The following TNRC18 variants were observed in gnomAD, a reference collection of about 807,000 sequenced individuals.
TNRC18 encodes the protein trinucleotide repeat-containing gene 18 protein.
TNRC18 carries 69 observed loss-of-function variants against 226.7 expected under a neutral mutation model. That is an observed-to-expected ratio of 0.30 (90% CI 0.25 to 0.37). The LOEUF (loss-of-function observed/expected upper bound fraction) is 0.37, where lower values mean the gene tolerates loss of function less well. TNRC18 is among the 10% of genes least tolerant of loss of function. The pLI is 1.00. For synonymous variants in TNRC18, 2,449 were observed against 1,927.6 expected, an observed-to-expected ratio of 1.27 and a Z score of -7.09; for missense variants, 4,754 against 4,256.6, an observed-to-expected ratio of 1.12 and a Z score of -3.25.
Position 5,351,830 on chromosome 7 carries a change from G to A in TNRC18, c.5459C>T (p.Ser1820Leu), listed in dbSNP as rs1403934106. Residue 1820 changes from serine (S) to leucine (L), a missense_variant, in exon 17 of 30, where the codon TCG (serine) becomes TTG (leucine). Physicochemically the swap from Ser to Leu is moderately radical, Grantham distance 145. Coordinates refer to ENST00000430969, the MANE Select transcript of TNRC18 (RefSeq NM_001080495.3). Reference sequence around the variant, plus strand: ...TTGGAGCTAGTAACCTTGGTCAAACGATTCCTCCGAAGAGTCGCTGAAGGA... The same window carrying A: ...TTGGAGCTAGTAACCTTGGTCAAACAATTCCTCCGAAGAGTCGCTGAAGGA... ...RSSFSDSSEE[S>L]FDQDESSEEE... The A allele has an allele frequency of 3.8e-6, 6 of 1,586,398 alleles. No homozygotes were observed. Among genetic ancestry groups the A allele is most frequent in the Middle Eastern group, 1.7e-4 (1 of 5,936 alleles).
Position 5,389,395 on chromosome 7 carries a change from T to G in TNRC18, c.488-59A>C. On this transcript the variant is annotated intron_variant, in intron 4 of 29. Transcript: ENST00000430969. ...CGCCACCTCCCCTCCCACCCCTGCC[T>G]GGGCGGAGGCGGACCCCTGAGAGGG... 2.5e-6 allele frequency: 3 copies of G among 1,211,942 alleles called. No individual in the cohort carries two copies. The South Asian group carries it at 1.1e-4, about 46-fold the overall frequency. The allele number at this position is 1,211,942 out of a possible 1,614,324, so 75.1% of individuals were successfully genotyped here. A position where few individuals can be genotyped will look rare whatever the true frequency, so the allele number is the denominator to read the frequency against.
intron 17 of TNRC18, 83 bp downstream of exon 17, chr7:5,351,736 G>A (rs1041046307): frequency 1.6e-5 from 23 of 1,431,300 alleles, no homozygotes; most frequent in Middle Eastern, 1.9e-4. Context: ...TCTCCCGTGC[G>A]CCCACTCGCT....
intron 11 of TNRC18, among the ~76,000 whole-genome samples, chr7:5,369,568 A>AGAGGGAAG (rs199587150): frequency 3.1e-4 from 47 of 152,242 alleles, no homozygotes; most frequent in African/African-American, 9.6e-4. Context: ...TCGAACAGCA[A>AGAGGGAAG]GAGGGAAGGA....
At position 5,423,753 on chromosome 7, in the gene TNRC18, G is replaced by A. The variant is rs916275688; in HGVS notation, c.-556C>T. On this transcript the variant is annotated 5_prime_UTR_variant, in exon 1 of 30. Transcript: ENST00000430969. ...AAAATCCAGGTAGCGCCGGTTTAAA[G>A]AATCCCAAATCTCCATATACAGCCC... 6.7e-6 allele frequency among the ~76,000 whole-genome samples: 1 copy of A among 149,440 alleles called. No individual in the cohort carries two copies. The highest frequency in any genetic ancestry group is 1.5e-5 in the Non-Finnish European group (1 of 67,614).
chr7:5,315,760 C>A (rs2128107698), intron 25 of TNRC18, among the ~76,000 whole-genome samples, 196 bp downstream of exon 25: 1 of 152,362 alleles, frequency 6.6e-6, no homozygotes, highest in Middle Eastern at 3.4e-3. Context: ...GCCTGGGCCA[C>A]TGGGCTTGTG....
chr7:5,387,359 A>T lies in TNRC18; in HGVS notation c.2152+313T>A, dbSNP rs994750428. ...TCGATGACTTCAAATTGAAGGTTTG[A>T]TATTTGTCTATTCCCAAGACCATCT... On this transcript the variant is annotated intron_variant, in intron 5 of 29. Coordinates refer to ENST00000430969, the MANE Select transcript of TNRC18 (RefSeq NM_001080495.3). Among the ~76,000 whole-genome samples the T allele has an allele frequency of 2.0e-5, 3 of 152,202 alleles. No individual in the cohort carries two copies. The East Asian group carries it at 5.8e-4, about 29-fold the overall frequency.
In TNRC18 at chr7:5,421,313, G is replaced by T; in HGVS notation, c.-67C>A. On this transcript the variant is annotated 5_prime_UTR_variant, in exon 2 of 30. Coordinates refer to ENST00000430969, the MANE Select transcript of TNRC18 (RefSeq NM_001080495.3). ...AGGCCTAGCTCAGTGGGACCTAAAA[G>T]TTCGGCCTCGGCGTAGTCCCAGAGT... 2.5e-6 allele frequency: 3 copies of T among 1,221,256 alleles called. No individual in the cohort carries two copies. Among genetic ancestry groups the T allele is most frequent in the Non-Finnish European group, 3.1e-6 (3 of 976,564 alleles). 75.7% of individuals were successfully genotyped at this position (1,221,256 alleles called of 1,614,324 possible).
At chr7:5,383,071 A>AT (rs919785403) in intron 5 of TNRC18, among the ~76,000 whole-genome samples, 4 of 141,396 alleles carry the variant, frequency 2.8e-5, no homozygotes, top group African/African-American at 1.2e-4. Context: ...ATTTATTTTT[A>AT]TTTTTATTTT....
intron 19 of TNRC18, among the ~76,000 whole-genome samples, chr7:5,327,576 G>C (rs1789064163): frequency 6.6e-6 from 1 of 151,954 alleles, no homozygotes; most frequent in Admixed American, 6.6e-5. Context: ...TGTCCCTGCA[G>C]CTGTACCCAC....
At chr7:5,327,558 C>T (rs1001651490) in intron 19 of TNRC18, among the ~76,000 whole-genome samples, 2 of 151,996 alleles carry the variant, frequency 1.3e-5, no homozygotes, top group Non-Finnish European at 2.9e-5. Context: ...GCTGCAGCTC[C>T]TGGTACATGT....
rs11292393 is a variant in TNRC18, at chr7:5,313,969, GT to G, written c.7028-107del. ...TTCTGTGAGTTTTGTTTTTGTTTTT[GT>G]TTTTTTTTTGAGATGGGGTCTCAGT... is the stretch of plus-strand genomic sequence containing the variant. On this transcript the variant is annotated intron_variant, in intron 26 of 29. Transcript: ENST00000430969. The G allele has an allele frequency of 0.22, 245,470 of 1,130,288 alleles. 24,069 individuals are homozygous for G. Among genetic ancestry groups the G allele is most frequent in the Admixed American group, 0.4 (10,567 of 26,732 alleles). 70.0% of individuals were successfully genotyped at this position (1,130,288 alleles called of 1,614,324 possible).
chr7:5,347,877 C>T (rs983997967), intron 17 of TNRC18, among the ~76,000 whole-genome samples: 10 of 152,106 alleles, frequency 6.6e-5, no homozygotes, highest in East Asian at 1.9e-4. Context: ...ATCACTTGAA[C>T]CCCGGAGGCG....
At chr7:5,379,223 A>C (rs1288447381) in intron 5 of TNRC18, among the ~76,000 whole-genome samples, 4 of 151,684 alleles carry the variant, frequency 2.6e-5, no homozygotes, top group Non-Finnish European at 4.4e-5. Context: ...AAAAACAAAA[A>C]ACACACACAC....
At chr7:5,352,869 T>A (rs570318986) in intron 16 of TNRC18, among the ~76,000 whole-genome samples, 8 of 152,330 alleles carry the variant, frequency 5.3e-5, no homozygotes, top group African/African-American at 1.7e-4. Context: ...AGACAGGGGT[T>A]CCAGAGACAG....
intron 17 of TNRC18, among the ~76,000 whole-genome samples, chr7:5,348,843 C>A (rs1039413404): frequency 6.6e-6 from 1 of 152,112 alleles, no homozygotes; most frequent in Non-Finnish European, 1.5e-5. Flanking sequence ...GCTCTGTCTC[C>A]GCCCCAGTGG....
At chr7:5,418,236 T>C (rs1438532298) in intron 2 of TNRC18, among the ~76,000 whole-genome samples, 1 of 152,166 alleles carries the variant, frequency 6.6e-6, no homozygotes, top group Non-Finnish European at 1.5e-5. Flanking sequence ...ATCTCCCAGA[T>C]CAGGCTGTGA....
At position 5,394,686 on chromosome 7, in the gene TNRC18, G is replaced by T. The variant is rs377433710; in HGVS notation, c.188-91C>A. The T allele has an allele frequency of 1.1e-6, 1 of 920,608 alleles. No homozygotes were observed. Among genetic ancestry groups the T allele is most frequent in the South Asian group, 1.5e-5 (1 of 65,126 alleles). The allele number at this position is 920,608 out of a possible 1,614,324, so 57.0% of individuals were successfully genotyped here. ...CGCCCCGACCCACCGCCCCGAGACC[G>T]CCGCCTCTCCCCAGCTGTGTGGAGC... On this transcript the variant is annotated intron_variant, in intron 2 of 29. Transcript: ENST00000430969. This position sits in a 1 kb window ranked among gnomAD's most constrained non-coding sequence, Gnocchi z 4.5.
At chr7:5,354,246 C>T (rs1229415971) in intron 16 of TNRC18, among the ~76,000 whole-genome samples, 4 of 152,046 alleles carry the variant, frequency 2.6e-5, no homozygotes, top group South Asian at 2.1e-4. Flanking sequence ...ATAAATAAAA[C>T]GGACATTCCC....
rs1792506233 is a variant in TNRC18, at chr7:5,357,093, G to T, written c.5017C>A (p.Leu1673Met). ...GRYLTPYDSLLGKNRKALAKG... is the reference protein window; with the variant it reads ...GRYLTPYDSLMGKNRKALAKG... ...GCCAGCGCCTTCCTGTTCTTCCCCA[G>T]CAGGCTGTCGTAAGGAGTCAAGTAC... Residue 1673 changes from leucine (L) to methionine (M), a missense_variant, in exon 16 of 30, where the codon CTG becomes ATG. Coordinates refer to ENST00000430969, the MANE Select transcript of TNRC18 (RefSeq NM_001080495.3). The T allele has an allele frequency of 6.4e-7, 1 of 1,552,038 alleles. No individual in the cohort carries two copies. The highest frequency in any genetic ancestry group is 8.7e-7 in the Non-Finnish European group (1 of 1,147,142).
Sources: allele counts gnomAD v4.1 joint callset (sites outside exome capture counted in the v4.1 genomes callset), GRCh38; gene constraint gnomAD v4.1.1; non-coding constraint Gnocchi (gnomAD v3.1); transcripts MANE v1.5; gene names NCBI Gene and HGNC (gene_info 2026-07-23, HGNC 2026-07-21).